CPE: variants seen among roughly 807,000 people sequenced by gnomAD.
The protein encoded by CPE is carboxypeptidase E, also known as carbocypeptidase E.
In CPE, 17 loss-of-function variants were observed where a neutral mutation model predicts 53.5. That is an observed-to-expected ratio of 0.32 (90% CI 0.22 to 0.48). CPE has a LOEUF of 0.48. Ranked by LOEUF, CPE falls within the 20% of genes least tolerant of loss-of-function variation. CPE has a pLI of 0.99. For missense variants in CPE, 524 were observed against 614.7 expected, an observed-to-expected ratio of 0.85 and a Z score of 1.56; for synonymous variants, 226 against 228.8, an observed-to-expected ratio of 0.99 and a Z score of 0.11.
chr4:165,461,778 C>A (rs1173135273), intron 1 of CPE, among the ~76,000 whole-genome samples: 1 of 152,112 alleles, frequency 6.6e-6, no homozygotes, highest in East Asian at 1.9e-4. Flanking sequence ...CCAACAAATG[C>A]TGTATTTAAA....
At chr4:165,413,331 G>A (rs10014827) in intron 1 of CPE, among the ~76,000 whole-genome samples, 43,671 of 152,082 alleles carry the variant, frequency 0.29, 6,430 homozygotes, top group Middle Eastern at 0.4. Context: ...AGAATTGGGG[G>A]ATAGAGAACG....
At chr4:165,421,143 C>T (rs990463679) in intron 1 of CPE, among the ~76,000 whole-genome samples, 3 of 152,292 alleles carry the variant, frequency 2.0e-5, no homozygotes, top group Non-Finnish European at 4.4e-5. Context: ...TTATTAGTTA[C>T]TTCCTTTTAA....
In CPE at chr4:165,391,240, G is replaced by T. The variant is rs376395234; in HGVS notation, c.307+11712G>T. ...GCATACAGGGAAAGTGAATCAATGA[G>T]AATGCATTTCTTAAATGAATGTACA... On this transcript the variant is annotated intron_variant, in intron 1 of 8. Coordinates refer to ENST00000402744, the MANE Select transcript of CPE (RefSeq NM_001873.4). Among the ~76,000 whole-genome samples the T allele has an allele frequency of 4.2e-4, 64 of 152,200 alleles. No individual in the cohort carries two copies. In the East Asian group the frequency reaches 5.4e-3, roughly 13 times the overall value.
intron 1 of CPE, among the ~76,000 whole-genome samples, chr4:165,400,198 G>A (rs1730843562): frequency 6.6e-6 from 1 of 152,118 alleles, no homozygotes; most frequent in African/African-American, 2.4e-5. Flanking sequence ...AGAGATATAT[G>A]GCCAGCAGTT....
In CPE at chr4:165,496,986, G is replaced by C. The variant is rs140960055; in HGVS notation, c.1333-526G>C. Reference sequence around the variant, plus strand: ...CGCCCAGGCTGGAGTGCAGTGGCACGATCTTGGCTCACTGCAAGCTCTGCC... The same window carrying C: ...CGCCCAGGCTGGAGTGCAGTGGCACCATCTTGGCTCACTGCAAGCTCTGCC... On this transcript the variant is annotated intron_variant, in intron 8 of 8. Transcript: ENST00000402744. Among the ~76,000 whole-genome samples the C allele has an allele frequency of 4.6e-3, 704 of 152,136 alleles. 4 individuals carry two copies. The highest frequency in any genetic ancestry group is 0.016 in the African/African-American group (664 of 41,498).
At chr4:165,465,744 T>C (rs937935230) in intron 2 of CPE, among the ~76,000 whole-genome samples, 1 of 152,154 alleles carries the variant, frequency 6.6e-6, no homozygotes, top group African/African-American at 2.4e-5. Flanking sequence ...TCTAGGTTCA[T>C]ATTTTTTCAT....
chr4:165,490,052 T>A (rs1357858735), intron 6 of CPE, among the ~76,000 whole-genome samples: 1 of 152,192 alleles, frequency 6.6e-6, no homozygotes, highest in Admixed American at 6.5e-5. Flanking sequence ...CTGCCAGAAG[T>A]TCTGTGTTGT....
intron 6 of CPE, among the ~76,000 whole-genome samples, chr4:165,490,262 G>A (rs1262190353): frequency 6.6e-6 from 1 of 152,210 alleles, no homozygotes; most frequent in East Asian, 1.9e-4. Flanking sequence ...TAGAGAGTCT[G>A]CTAAGGAGAA....
chr4:165,475,238 A>G lies in CPE; in HGVS notation c.673-7004A>G, dbSNP rs1054116544. ...CCTTAAAGGGCCACAGTGAGGACCT[A>G]TGCAGACACACAAAGTACTTAAAAA... On this transcript the variant is annotated intron_variant, in intron 3 of 8. Transcript: ENST00000402744. 4.6e-5 allele frequency among the ~76,000 whole-genome samples: 7 copies of G among 152,316 alleles called. No homozygotes were observed. In the South Asian group the frequency reaches 1.2e-3, roughly 27 times the overall value.
chr4:165,383,862 A>G (rs1177347815), intron 1 of CPE, among the ~76,000 whole-genome samples: 1 of 152,256 alleles, frequency 6.6e-6, no homozygotes, highest in African/African-American at 2.4e-5. Context: ...AGAAGAATCT[A>G]GACCTACCAC....
At chr4:165,432,293 A>G (rs1279946444) in intron 1 of CPE, among the ~76,000 whole-genome samples, 1 of 152,200 alleles carries the variant, frequency 6.6e-6, no homozygotes, top group African/African-American at 2.4e-5. Context: ...GGATTTTAAA[A>G]TCATTTTTGT....
intron 1 of CPE, among the ~76,000 whole-genome samples, chr4:165,417,861 A>G (rs1407000422): frequency 4.6e-5 from 7 of 151,656 alleles, no homozygotes; most frequent in Non-Finnish European, 8.8e-5. Flanking sequence ...TTTGTAGTGA[A>G]TGGGAAAATT....
At chr4:165,487,296 G>A in intron 5 of CPE, 142 bp from the exon 6 acceptor site, 1 of 1,088,752 alleles carries the variant, frequency 9.2e-7, no homozygotes, top group Non-Finnish European at 1.3e-6. Flanking sequence ...TACAGCAGAT[G>A]ATTTCCCTTA....
chr4:165,412,273 A>T (rs1731053738), intron 1 of CPE, among the ~76,000 whole-genome samples: 1 of 152,222 alleles, frequency 6.6e-6, no homozygotes, highest in Admixed American at 6.5e-5. Flanking sequence ...ATTTTTAAAA[A>T]TATGATTTTT....
At chr4:165,402,375 G>A (rs1053419202) in intron 1 of CPE, among the ~76,000 whole-genome samples, 3 of 152,214 alleles carry the variant, frequency 2.0e-5, no homozygotes, top group Non-Finnish European at 2.9e-5. Context: ...GGTGTTTCTA[G>A]TGATTCTGGC....
chr4:165,379,390 C>T lies in CPE; in HGVS notation c.169C>T (p.Pro57Ser). Residue 57 changes from proline to serine, a missense_variant, in exon 1 of 9, where the codon CCC (proline) becomes TCC (serine). By Grantham distance (74) the Pro-to-Ser change is moderately conservative. Coordinates refer to ENST00000402744, the MANE Select transcript of CPE (RefSeq NM_001873.4). The surrounding 1 kb of genome is among the most constrained non-coding windows in gnomAD (Gnocchi z 6.0). ...DGISFEYHRYPELREALVSVW... is the reference protein window; with the variant it reads ...DGISFEYHRYSELREALVSVW... ...CATCTCCTTCGAGTACCACCGCTAC[C>T]CCGAGCTGCGCGAGGCGCTCGTGTC... The T allele has an allele frequency of 5.0e-6, 8 of 1,609,260 alleles. No individual in the cohort carries two copies. The highest frequency in any genetic ancestry group is 5.9e-6 in the Non-Finnish European group (7 of 1,178,792).
intron 3 of CPE, among the ~76,000 whole-genome samples, chr4:165,474,227 T>A (rs188728370): frequency 9.8e-5 from 15 of 152,362 alleles, no homozygotes; most frequent in African/African-American, 3.4e-4. Flanking sequence ...TATAAAAGAC[T>A]GAGGAGGCTG....
At chr4:165,397,379 C>T (rs558589512) in intron 1 of CPE, among the ~76,000 whole-genome samples, 1 of 152,282 alleles carries the variant, frequency 6.6e-6, no homozygotes, top group South Asian at 2.1e-4. Context: ...TTTAACATCA[C>T]AGGTTTGTAA....
chr4:165,410,121 C>T (rs1157001853), intron 1 of CPE, among the ~76,000 whole-genome samples: 5 of 151,292 alleles, frequency 3.3e-5, no homozygotes, highest in Non-Finnish European at 5.9e-5. Flanking sequence ...TGGTGGTGGG[C>T]GCCTGTAGTC....
Sources: gnomAD v4.1 joint callset for allele counts (sites outside exome capture counted in the v4.1 genomes callset) on GRCh38, gnomAD v4.1.1 for gene constraint, Gnocchi (gnomAD v3.1) non-coding constraint, MANE v1.5 for transcripts, NCBI Gene and HGNC (gene_info 2026-07-23, HGNC 2026-07-21) for gene names.